The following DOK5 variants were observed in gnomAD, a reference collection of about 807,000 sequenced individuals.
The protein encoded by DOK5 is docking protein 5.
DOK5 carries 27 observed loss-of-function variants against 43.3 expected under a neutral mutation model. The ratio of observed to expected loss-of-function variants is 0.62; its 90% CI spans 0.46 to 0.86. The LOEUF is 0.86. Ranked by LOEUF, DOK5 falls within the 40% of genes least tolerant of loss-of-function variation. The probability of loss-of-function intolerance (pLI) is 0.00; values close to 1 mark genes in which losing one functional copy is unlikely to be tolerated. For synonymous variants in DOK5, 146 were observed against 140.1 expected (o/e 1.04, Z -0.30); for missense variants, 373 against 392.9 (o/e 0.95, Z 0.43).
At chr20:54,580,199 T>C (rs770711448) in intron 2 of DOK5, among the ~76,000 whole-genome samples, 1 of 152,276 alleles carries the variant, frequency 6.6e-6, no homozygotes, top group Admixed American at 6.5e-5. Flanking sequence ...CATCAAAAAG[T>C]GGGCAAAGAA....
chr20:54,496,644 T>A (rs1982405253), intron 1 of DOK5, among the ~76,000 whole-genome samples: 1 of 151,430 alleles, frequency 6.6e-6, no homozygotes, highest in South Asian at 2.1e-4. Flanking sequence ...CAGGCGCCTG[T>A]AGTCCCAGCT....
intron 5 of DOK5, among the ~76,000 whole-genome samples, chr20:54,596,088 T>C (rs1986132146): frequency 6.6e-6 from 1 of 152,224 alleles, no homozygotes; most frequent in South Asian, 2.1e-4. Flanking sequence ...ATTACTATTT[T>C]ATATTTTGCT....
chr20:54,556,766 T>C (rs1050857326), intron 2 of DOK5, among the ~76,000 whole-genome samples: 1 of 152,220 alleles, frequency 6.6e-6, no homozygotes, highest in Non-Finnish European at 1.5e-5. Flanking sequence ...AACTTTGCAA[T>C]TCACCCTGAG....
At chr20:54,573,215 C>A (rs1257152959) in intron 2 of DOK5, among the ~76,000 whole-genome samples, 1 of 152,082 alleles carries the variant, frequency 6.6e-6, no homozygotes, top group Non-Finnish European at 1.5e-5. Flanking sequence ...ATGCAAGTCA[C>A]TGATGGTAGG....
At chr20:54,481,083 CATCTACCATCTATCT>C (rs1981687005) in intron 1 of DOK5, among the ~76,000 whole-genome samples, 2 of 120,094 alleles carry the variant, frequency 1.7e-5, no homozygotes, top group African/African-American at 4.4e-5. Flanking sequence ...ATCTATCTAT[CATCTACCATCTATCT>C]ATCTATCATC....
chr20:54,524,005 A>G lies in DOK5; in HGVS notation c.67-30928A>G, dbSNP rs566476519. On this transcript the variant is annotated intron_variant, in intron 1 of 7. Transcript: ENST00000262593. The stretch of plus-strand genomic sequence containing the variant: ...GTGAATCTCCTTCATAGCAGGCTTG[A>G]AAAGTTGTTCTGGGACTAAACGTTT... Among the ~76,000 whole-genome samples, 2 of 152,306 alleles carry G rather than the reference A, an allele frequency of 1.3e-5. 1 individual carries two copies. Among genetic ancestry groups the G allele is most frequent in the South Asian group, 4.2e-4 (2 of 4,818 alleles).
chr20:54,597,287 T>A (rs1301593894), intron 5 of DOK5, among the ~76,000 whole-genome samples: 2 of 152,174 alleles, frequency 1.3e-5, no homozygotes, highest in African/African-American at 2.4e-5. Context: ...TCTGGAGACA[T>A]TTTTGATTGT....
At chr20:54,615,710 G>T (rs768841443) in intron 6 of DOK5, among the ~76,000 whole-genome samples, 2 of 152,142 alleles carry the variant, frequency 1.3e-5, no homozygotes, top group Non-Finnish European at 2.9e-5. Flanking sequence ...AAGAGATTGA[G>T]ACCAGCCTGG....
intron 5 of DOK5, among the ~76,000 whole-genome samples, chr20:54,593,037 A>G (rs1419120240): frequency 6.6e-6 from 1 of 152,156 alleles, no homozygotes; most frequent in Non-Finnish European, 1.5e-5. Flanking sequence ...AAATACCCCA[A>G]TCCATGTGAA....
intron 1 of DOK5, among the ~76,000 whole-genome samples, chr20:54,532,815 C>T (rs973141113): frequency 6.6e-6 from 1 of 152,186 alleles, no homozygotes; most frequent in Non-Finnish European, 1.5e-5. Flanking sequence ...TTCCTCAGGC[C>T]TTGTCCTGAC....
intron 5 of DOK5, among the ~76,000 whole-genome samples, chr20:54,607,197 C>T (rs1396003240): frequency 2.6e-5 from 4 of 152,146 alleles, no homozygotes; most frequent in African/African-American, 4.8e-5. Flanking sequence ...ACCTTGGACG[C>T]GTATTTCCCC....
chr20:54,544,427 T>C (rs2146718850), intron 1 of DOK5, among the ~76,000 whole-genome samples: 1 of 152,334 alleles, frequency 6.6e-6, no homozygotes. Flanking sequence ...TGTGAAATCC[T>C]GTCATGACAC....
chr20:54,619,658 T>C (rs964716993), intron 6 of DOK5, among the ~76,000 whole-genome samples: 14 of 152,060 alleles, frequency 9.2e-5, no homozygotes, highest in Admixed American at 3.9e-4. Context: ...CAATCTGAAC[T>C]TTTTTTTGTC....
intron 6 of DOK5, among the ~76,000 whole-genome samples, chr20:54,625,727 C>A (rs558080676): frequency 6.6e-6 from 1 of 152,106 alleles, no homozygotes; most frequent in Non-Finnish European, 1.5e-5. Flanking sequence ...GTGCCTGGTA[C>A]CTATTAAATA....
At chr20:54,522,223 G>A (rs929074866) in intron 1 of DOK5, among the ~76,000 whole-genome samples, 3 of 152,112 alleles carry the variant, frequency 2.0e-5, no homozygotes, top group Non-Finnish European at 1.5e-5. Context: ...TTAAAAAAAA[G>A]CACATAAAGA....
At chr20:54,612,751 C>G (rs1986689706) in intron 6 of DOK5, among the ~76,000 whole-genome samples, 1 of 152,130 alleles carries the variant, frequency 6.6e-6, no homozygotes, top group Non-Finnish European at 1.5e-5. Context: ...ACTAATATAA[C>G]TAATTTAGGG....
At chr20:54,627,618 C>A (rs190963900) in intron 6 of DOK5, among the ~76,000 whole-genome samples, 1 of 152,180 alleles carries the variant, frequency 6.6e-6, no homozygotes, top group Admixed American at 6.5e-5. Flanking sequence ...GTGTCTGTGG[C>A]GTGGGTCAGG....
intron 1 of DOK5, among the ~76,000 whole-genome samples, chr20:54,530,555 A>G (rs1244119783): frequency 1.3e-5 from 2 of 152,104 alleles, no homozygotes; most frequent in African/African-American, 4.8e-5. Context: ...CCTCTTCTCT[A>G]CTTCCCATGA....
intron 1 of DOK5, among the ~76,000 whole-genome samples, chr20:54,549,831 T>C (rs1255037043): frequency 6.6e-6 from 1 of 152,234 alleles, no homozygotes; most frequent in African/African-American, 2.4e-5. Context: ...TCTGAACACA[T>C]TCTTGGGGCA....
Sources: allele counts gnomAD v4.1 joint callset (sites outside exome capture counted in the v4.1 genomes callset), GRCh38; gene constraint gnomAD v4.1.1; transcripts MANE v1.5; gene names NCBI Gene and HGNC (gene_info 2026-07-23, HGNC 2026-07-21).